Variants in YIPF6 observed in about 807,000 individuals in gnomAD.
YIPF6 encodes protein YIPF6.
Under a neutral mutation model 16.8 loss-of-function variants are expected in YIPF6, and 3 were observed. The ratio of observed to expected loss-of-function variants is 0.18; its 90% CI spans 0.08 to 0.46. YIPF6 has a LOEUF of 0.46. Ranked by LOEUF, YIPF6 falls within the 20% of genes least tolerant of loss-of-function variation. The pLI, the probability that YIPF6 is intolerant of heterozygous loss-of-function variation, is 0.98. For missense variants in YIPF6, 145 were observed against 184.9 expected (o/e 0.78, Z 1.25); for synonymous variants, 67 against 61.9 (o/e 1.08, Z -0.38).
At position 68,499,079 on chromosome X, in the gene YIPF6, GA is replaced by G; in HGVS notation, c.14del (p.Glu5GlyfsTer30). MAEA[E>X]ESPGDPGTAS... ...AAGGAGGGCCAAGATGGCGGAAGCG[GA>G]GGAGTCTCCAGGAGACCCGGGGACA... On this transcript the variant is annotated frameshift_variant, in exon 1 of 7. Transcript: ENST00000462683. LOFTEE classifies it high-confidence loss of function. The G allele has an allele frequency of 8.4e-7, 1 of 1,190,084 alleles. No homozygotes were observed. Among genetic ancestry groups the G allele is most frequent in the Admixed American group, 2.3e-5 (1 of 42,776 alleles).
chrX:68,512,912 G>C (rs1179156287), intron 2 of YIPF6, among the ~76,000 whole-genome samples: 1 of 103,871 alleles, frequency 9.6e-6, no homozygotes, highest in Non-Finnish European at 1.9e-5. Context: ...TTCATATATT[G>C]CAAAGAATGT....
At chrX:68,531,185 C>T (rs149894714) in intron 6 of YIPF6, among the ~76,000 whole-genome samples, 201 of 111,297 alleles carry the variant, frequency 1.8e-3, no homozygotes, top group African/African-American at 6.3e-3. Context: ...AGTGCAGTGG[C>T]GCCATCTTGG....
rs1393815208 is a variant in YIPF6, at chrX:68,532,713, A to G, written c.*714A>G. ...CATCTTGGTTGGCACTCTAGTCTTA[A>G]TCTTGCTCCTTAACTTTGAATATGC... On this transcript the variant is annotated 3_prime_UTR_variant, in exon 7 of 7. Coordinates refer to ENST00000462683, the MANE Select transcript of YIPF6 (RefSeq NM_173834.4). The G allele has an allele frequency of 2.7e-5, 3 of 111,405 alleles. 1 individual carries two copies. Among genetic ancestry groups the G allele is most frequent in the Non-Finnish European group, 5.6e-5 (3 of 53,117 alleles). The allele number at this position is 111,405 out of a possible 1,213,427, so 9.2% of individuals were successfully genotyped here. A position where few individuals can be genotyped will look rare whatever the true frequency, so the allele number is the denominator to read the frequency against.
chrX:68,511,714 C>A, intron 1 of YIPF6, 135 bp from the exon 2 acceptor site: 1 of 628,737 alleles, frequency 1.6e-6, no homozygotes, highest in Non-Finnish European at 2.3e-6. Context: ...TGTGTAATGT[C>A]TGTTGAGCTA....
intron 1 of YIPF6, among the ~76,000 whole-genome samples, chrX:68,511,094 T>A (rs2079079259): frequency 9.0e-6 from 1 of 111,669 alleles, no homozygotes; most frequent in African/African-American, 3.3e-5. Context: ...TAGATTTGAG[T>A]TTTGGTTGTA....
At chrX:68,519,757 C>G (rs1181415529) in intron 4 of YIPF6, among the ~76,000 whole-genome samples, 2 of 111,176 alleles carry the variant, frequency 1.8e-5, no homozygotes, top group Non-Finnish European at 3.8e-5. Flanking sequence ...TTGCTGACCT[C>G]TCTAATTTTT....
intron 6 of YIPF6, among the ~76,000 whole-genome samples, chrX:68,530,947 A>G (rs1208989116): frequency 9.0e-6 from 1 of 110,738 alleles, no homozygotes; most frequent in African/African-American, 3.3e-5. Context: ...ATTTTTCTTT[A>G]AAGAGATGGG....
chrX:68,531,792 C>A, intron 6 of YIPF6, 89 bp from the exon 7 acceptor site: 1 of 628,992 alleles, frequency 1.6e-6, no homozygotes, highest in Non-Finnish European at 2.4e-6. Context: ...CTAGATGATG[C>A]CAAGCTCATG....
In YIPF6 at chrX:68,533,845, A is replaced by T. The variant is rs1364301712; in HGVS notation, c.*1846A>T. On this transcript the variant is annotated 3_prime_UTR_variant, in exon 7 of 7. Coordinates refer to ENST00000462683, the MANE Select transcript of YIPF6 (RefSeq NM_173834.4). ...CTGAAATTCTCTTACTTCCTGCTAA[A>T]ACTCTCTTTCTGCCAAAGTTGTTTC... 3 of 112,182 alleles carry T rather than the reference A, an allele frequency of 2.7e-5. No homozygotes were observed. The highest frequency in any genetic ancestry group is 5.6e-5 in the Non-Finnish European group (3 of 53,250). The allele number at this position is 112,182 out of a possible 1,213,427, so 9.2% of individuals were successfully genotyped here. A position where few individuals can be genotyped will look rare whatever the true frequency, so the allele number is the denominator to read the frequency against.
At chrX:68,516,091 C>T (rs2147821875) in intron 3 of YIPF6, among the ~76,000 whole-genome samples, 1 of 111,339 alleles carries the variant, frequency 9.0e-6, no homozygotes, top group Admixed American at 9.6e-5. Context: ...CCATTGCACT[C>T]CAGCCTGGGT....
At chrX:68,508,135 CAG>C (rs2079067075) in intron 1 of YIPF6, among the ~76,000 whole-genome samples, 1 of 100,817 alleles carries the variant, frequency 9.9e-6, no homozygotes, top group Non-Finnish European at 2.0e-5. Flanking sequence ...TTTTTTGAGA[CAG>C]AGTCTCACTC....
chrX:68,528,744 T>G (rs887982239), intron 6 of YIPF6, among the ~76,000 whole-genome samples: 1 of 111,529 alleles, frequency 9.0e-6, no homozygotes, highest in Non-Finnish European at 1.9e-5. Context: ...CTTATGAAGA[T>G]TAGTTTGTCT....
chrX:68,524,768 T>G (rs910125557), intron 6 of YIPF6, among the ~76,000 whole-genome samples: 7 of 110,164 alleles, frequency 6.4e-5, no homozygotes, highest in Non-Finnish European at 1.3e-4. Flanking sequence ...TGAGAACATG[T>G]GGTGTTTGGT....
At chrX:68,516,145 C>A (rs1029239601) in intron 3 of YIPF6, among the ~76,000 whole-genome samples, 1 of 111,246 alleles carries the variant, frequency 9.0e-6, no homozygotes, top group Admixed American at 9.6e-5. Context: ...AAACAAAAAA[C>A]AAACCACATT....
intron 5 of YIPF6, among the ~76,000 whole-genome samples, chrX:68,522,369 T>C (rs1363525905): frequency 9.2e-6 from 1 of 109,240 alleles, no homozygotes. Flanking sequence ...CAAGCTCAGC[T>C]CACTGCAACC....
At chrX:68,525,258 A>G (rs1381768298) in intron 6 of YIPF6, among the ~76,000 whole-genome samples, 1 of 112,208 alleles carries the variant, frequency 8.9e-6, no homozygotes, top group Non-Finnish European at 1.9e-5. Flanking sequence ...GCTTTTATTC[A>G]TATGTTTGTT....
At chrX:68,515,243 A>G (rs1010895355) in intron 3 of YIPF6, 2 of 107,374 alleles carry the variant, frequency 1.9e-5, no homozygotes, top group Non-Finnish European at 3.9e-5. Context: ...GGAGAATGGC[A>G]TGAACCCAAG....
At position 68,531,981 on chromosome X, in the gene YIPF6, C is replaced by T; in HGVS notation, c.693C>T (p.Leu231=). Residue 231 remains leucine (L), a synonymous_variant, in exon 7 of 7, where the codon CTC becomes CTT. Coordinates refer to ENST00000462683, the MANE Select transcript of YIPF6 (RefSeq NM_173834.4). The stretch of plus-strand genomic sequence containing the variant: ...ACTTTGTCATCAGTTGGATGATTCT[C>T]ACCTTTACTCCTCAGTAAATCAGGA... ...LFYFVISWMI[L]TFTPQ 1 of 1,192,387 alleles carries T rather than the reference C, an allele frequency of 8.4e-7. No homozygotes were observed. Among genetic ancestry groups the T allele is most frequent in the Non-Finnish European group, 1.1e-6 (1 of 879,784 alleles).
Position 68,532,954 on chromosome X carries a change from A to G in YIPF6, c.*955A>G, listed in dbSNP as rs1340242664. 3 of 111,821 alleles carry G rather than the reference A, an allele frequency of 2.7e-5. No individual in the cohort carries two copies. Among genetic ancestry groups the G allele is most frequent in the Non-Finnish European group, 5.6e-5 (3 of 53,220 alleles). 9.2% of individuals were successfully genotyped at this position (111,821 alleles called of 1,213,427 possible). ...AATATTCTCTGTAGTCTGGCCTCTT[A>G]ACTAGAAAGTAAAGCTAAATCAGAA... On this transcript the variant is annotated 3_prime_UTR_variant, in exon 7 of 7. Coordinates refer to ENST00000462683, the MANE Select transcript of YIPF6 (RefSeq NM_173834.4).
Sources: allele counts gnomAD v4.1 joint callset (sites outside exome capture counted in the v4.1 genomes callset), GRCh38; gene constraint gnomAD v4.1.1; transcripts MANE v1.5; gene names NCBI Gene and HGNC (gene_info 2026-07-23, HGNC 2026-07-21).